ERCC4: variants seen among roughly 807,000 people sequenced by gnomAD.
ERCC4 encodes DNA repair endonuclease XPF.
In ERCC4, 65 loss-of-function variants were observed where a neutral mutation model predicts 76.9. That is an observed-to-expected ratio of 0.84 (90% CI 0.69 to 1.04). The LOEUF (loss-of-function observed/expected upper bound fraction) is 1.04, where lower values mean the gene tolerates loss of function less well. Ranked by LOEUF, ERCC4 falls within the 50% of genes least tolerant of loss-of-function variation. ERCC4 has a pLI of 0.00. For synonymous variants in ERCC4, 463 were observed against 410.1 expected (o/e 1.13, Z -1.56); for missense variants, 1,214 against 1,128.2 (o/e 1.08, Z -1.09).
rs528398095 is a variant in ERCC4 at position 13,949,381 on chromosome 16, G to A, written c.*1034G>A. ...CGCACCACTGCACCCCTGCCTGGGCGACAGAGTGAGACTTTGTCTCTATTA... is the reference window on the plus strand; with the variant it reads ...CGCACCACTGCACCCCTGCCTGGGCAACAGAGTGAGACTTTGTCTCTATTA... On this transcript the variant is annotated 3_prime_UTR_variant, in exon 11 of 11. Transcript: ENST00000311895. 2.1e-5 allele frequency: 5 copies of A among 233,304 alleles called. No homozygotes were observed. The Admixed American group carries it at 2.2e-4, about 10-fold the overall frequency. The allele number at this position is 233,304 out of a possible 1,614,324, so 14.5% of individuals were successfully genotyped here.
At chr16:13,923,060 G>C (rs2032008274) in intron 2 of ERCC4, among the ~76,000 whole-genome samples, 2 of 152,148 alleles carry the variant, frequency 1.3e-5, no homozygotes, top group South Asian at 4.2e-4. Context: ...TCAAGTAGTT[G>C]CTTGCTTATT....
At chr16:13,927,557 CAAAAAAA>C (rs527349868) in intron 3 of ERCC4, 3 of 46,274 alleles carry the variant, frequency 6.5e-5, no homozygotes, top group East Asian at 7.4e-4. Context: ...AACTCCATCT[CAAAAAAA>C]AAAAAAAAAA....
chr16:13,947,576 G>A (rs1466653643), intron 10 of ERCC4, 38 bp from the exon 11 acceptor site: 7 of 1,611,464 alleles, frequency 4.3e-6, no homozygotes, highest in Non-Finnish European at 5.9e-6. Context: ...TTCTTTGAGA[G>A]TTCTTCCCCA....
chr16:13,925,109 A>G (rs1300259944), intron 2 of ERCC4, among the ~76,000 whole-genome samples: 2 of 152,228 alleles, frequency 1.3e-5, no homozygotes, highest in African/African-American at 4.8e-5. Context: ...TGGTCTCATC[A>G]TGATACCTAC....
rs192488568 is a variant in ERCC4 at position 13,922,048 on chromosome 16, G to A, written c.225G>A (p.Gln75=). ...QPAEEEYFIN[Q]LKIEGVEHLP... is the part of the protein sequence containing the mutation. ...TGATTTAGGAGTATTTTATCAATCAGCTGAAGATAGAAGGAGTTGAACACC... is the reference window on the plus strand; with the variant it reads ...TGATTTAGGAGTATTTTATCAATCAACTGAAGATAGAAGGAGTTGAACACC... Residue 75 remains glutamine, a synonymous_variant, in exon 2 of 11, where the codon CAG becomes CAA. Transcript: ENST00000311895. 8.7e-6 allele frequency: 14 copies of A among 1,613,484 alleles called. No homozygotes were observed. In the African/African-American group the frequency reaches 1.6e-4, roughly 18 times the overall value.
chr16:13,940,461 G>GGC (rs2032391666), intron 9 of ERCC4, among the ~76,000 whole-genome samples: 1 of 152,068 alleles, frequency 6.6e-6, no homozygotes, highest in Non-Finnish European at 1.5e-5. Context: ...GGTAAAACCA[G>GGC]GCCTAAGCTT....
intron 9 of ERCC4, among the ~76,000 whole-genome samples, chr16:13,939,158 C>T (rs925582121): frequency 6.6e-6 from 1 of 152,152 alleles, no homozygotes; most frequent in Non-Finnish European, 1.5e-5. Context: ...GGCATTATAC[C>T]AGCCGCCTCT....
chr16:13,920,865 G>A (rs1365066516), intron 1 of ERCC4, among the ~76,000 whole-genome samples: 1 of 151,886 alleles, frequency 6.6e-6, no homozygotes, highest in African/African-American at 2.4e-5. Context: ...CGAGAAGGAT[G>A]CAATTCCCTG....
chr16:13,930,414 A>G (rs1243824274), intron 4 of ERCC4, among the ~76,000 whole-genome samples: 1 of 152,160 alleles, frequency 6.6e-6, no homozygotes, highest in Non-Finnish European at 1.5e-5. Context: ...TGACAGTAAT[A>G]TATATTTGGA....
At chr16:13,944,959 G>A (rs747980783) in intron 10 of ERCC4, 124 bp downstream of exon 10, 1 of 661,362 alleles carries the variant, frequency 1.5e-6, no homozygotes, top group Non-Finnish European at 2.8e-6. Context: ...GGGCCAAGGA[G>A]AGGATGTGTA....
At chr16:13,946,738 CTGTTTTTTTGTTTGTT>C (rs1310665721) in intron 10 of ERCC4, among the ~76,000 whole-genome samples, 1 of 149,026 alleles carries the variant, frequency 6.7e-6, no homozygotes, top group Non-Finnish European at 1.5e-5. Context: ...AATACAACAT[CTGTTTTTTTGTTTGTT>C]TGTTTGTTTG....
intron 9 of ERCC4, chr16:13,944,169 G>T (rs2032471195): frequency 6.4e-6 from 1 of 156,456 alleles, no homozygotes; most frequent in African/African-American, 2.4e-5. Flanking sequence ...ATAGAAATTT[G>T]ATTTCTTATA....
chr16:13,926,816 C>G (rs1374510694), intron 3 of ERCC4, 60 bp downstream of exon 3: 4 of 1,307,756 alleles, frequency 3.1e-6, no homozygotes, highest in South Asian at 1.2e-5. Context: ...TTTGTGAGAT[C>G]TACTGTAACT....
Position 13,947,960 on chromosome 16 carries a change from C to T in ERCC4, c.2364C>T (p.Leu788=), listed in dbSNP as rs1437973958. Residue 788 remains leucine, a synonymous_variant, in exon 11 of 11, where the codon CTC becomes CTT. Coordinates refer to ENST00000311895, the MANE Select transcript of ERCC4 (RefSeq NM_005236.3). The part of the protein sequence containing the change: ...EISSNDISSK[L]TLLTLHFPRL... ...CCAGCAATGACATTAGTTCCAAACT[C>T]ACTCTTCTTACACTTCACTTCCCCA... is the stretch of plus-strand genomic sequence containing the variant. 1 of 1,614,152 alleles carries T rather than the reference C, an allele frequency of 6.2e-7. No individual in the cohort carries two copies. The highest frequency in any genetic ancestry group is 1.1e-5 in the South Asian group (1 of 91,080).
Position 13,950,382 on chromosome 16 carries a change from TGAG to T in ERCC4, c.*2037_*2039del, listed in dbSNP as rs2032608275. Reference sequence around the variant, plus strand: ...ACACAAGGGTATAACCAGAATGAATTGAGGGGTATCAAGAACCAGATTGGTTAC... The same window carrying T: ...ACACAAGGGTATAACCAGAATGAATTGGGTATCAAGAACCAGATTGGTTAC... On this transcript the variant is annotated 3_prime_UTR_variant, in exon 11 of 11. Transcript: ENST00000311895. The T allele has an allele frequency of 1.1e-5, 2 of 187,160 alleles. No homozygotes were observed. Among genetic ancestry groups the T allele is most frequent in the Non-Finnish European group, 2.3e-5 (2 of 88,704 alleles). 11.6% of individuals were successfully genotyped at this position (187,160 alleles called of 1,614,324 possible).
chr16:13,943,977 T>TACCGTATAAGATATGAGCC (rs1461302107), intron 9 of ERCC4: 1 of 152,310 alleles, frequency 6.6e-6, no homozygotes, highest in African/African-American at 2.4e-5. Flanking sequence ...CCTCTAGATC[T>TACCGTATAAGATATGAGCC]ACCGTATAAG....
intron 6 of ERCC4, chr16:13,933,184 T>C (rs1449996492): frequency 1.4e-5 from 3 of 212,464 alleles, no homozygotes; most frequent in Non-Finnish European, 3.0e-5. Context: ...CACACCACTA[T>C]ACTCCAGCCT....
At chr16:13,946,273 A>G (rs903499260) in intron 10 of ERCC4, among the ~76,000 whole-genome samples, 1 of 152,232 alleles carries the variant, frequency 6.6e-6, no homozygotes, top group African/African-American at 2.4e-5. Context: ...AGGCGATTTC[A>G]TCATTACATG....
chr16:13,945,019 C>T (rs953669302), intron 10 of ERCC4, among the ~76,000 whole-genome samples, 184 bp downstream of exon 10: 1 of 152,192 alleles, frequency 6.6e-6, no homozygotes, highest in Non-Finnish European at 1.5e-5. Context: ...TGTGTCCTCC[C>T]CAGAGTGAAG....
Sources: gnomAD v4.1 joint callset for allele counts (sites outside exome capture counted in the v4.1 genomes callset) on GRCh38, gnomAD v4.1.1 for gene constraint, MANE v1.5 for transcripts, NCBI Gene and HGNC (gene_info 2026-07-23, HGNC 2026-07-21) for gene names.